Variants in ZDHHC11 observed in about 807,000 individuals in gnomAD.
ZDHHC11 encodes zDHHC palmitoyltransferase 11, also known as palmitoyltransferase ZDHHC11.
Under a neutral mutation model 51.3 loss-of-function variants are expected in ZDHHC11, and 44 were observed. That is an observed-to-expected ratio of 0.86 (90% CI 0.67 to 1.10). ZDHHC11 has a LOEUF of 1.10. Among genes scored for constraint, ZDHHC11 ranks in the 50% least tolerant of loss-of-function variants. The probability of loss-of-function intolerance (pLI) is 0.00; values close to 1 mark genes in which losing one functional copy is unlikely to be tolerated. For synonymous variants in ZDHHC11, 163 were observed against 222.0 expected (o/e 0.73, Z 2.36); for missense variants, 400 against 537.7 (o/e 0.74, Z 2.53).
intron 7 of ZDHHC11, among the ~76,000 whole-genome samples, chr5:829,757 C>T (rs1373808300): frequency 2.0e-5 from 3 of 151,430 alleles, no homozygotes; most frequent in African/African-American, 4.9e-5. Context: ...ACTAGCGAAC[C>T]GAATCAAACA....
chr5:844,887 A>C, intron 3 of ZDHHC11, among the ~76,000 whole-genome samples: 1 of 152,424 alleles, frequency 6.6e-6, no homozygotes, highest in Non-Finnish European at 1.5e-5. Flanking sequence ...TCTGGGCAGC[A>C]GTTCCTGGAA....
chr5:849,194 C>T (rs985279438), intron 1 of ZDHHC11, among the ~76,000 whole-genome samples: 5 of 152,186 alleles, frequency 3.3e-5, no homozygotes, highest in African/African-American at 4.8e-5. Context: ...CTGTGCCAGT[C>T]GGGGACCGGG....
intron 11 of ZDHHC11, among the ~76,000 whole-genome samples, chr5:805,886 G>A (rs1340528639): frequency 1.3e-5 from 2 of 151,208 alleles, no homozygotes; most frequent in Non-Finnish European, 3.0e-5. Flanking sequence ...CAAGGGTGAG[G>A]AGCGAGGATG....
At chr5:840,208 A>T in intron 5 of ZDHHC11, 1 of 695,000 alleles carries the variant, frequency 1.4e-6, no homozygotes, top group South Asian at 1.5e-5. Context: ...TAAACTTGTT[A>T]CTTCAAGCAC....
At chr5:815,848 C>A (rs776806573) in intron 10 of ZDHHC11, among the ~76,000 whole-genome samples, 2 of 151,546 alleles carry the variant, frequency 1.3e-5, no homozygotes, top group Non-Finnish European at 3.0e-5. Flanking sequence ...TCCAACCATC[C>A]TTCTGCCTCC....
rs906927983 is a variant in ZDHHC11 at position 850,261 on chromosome 5, T to C, written c.222+120A>G. ...ACCTGCAGGCTCAGGGGACATAGTC[T>C]GGCCCAGGGCAGGTGACTGGTGCCA... is the stretch of plus-strand genomic sequence containing the variant. On this transcript the variant is annotated intron_variant, in intron 1 of 12. Coordinates refer to ENST00000283441, the MANE Select transcript of ZDHHC11 (RefSeq NM_024786.3). 7.4e-5 allele frequency: 86 copies of C among 1,156,970 alleles called. No homozygotes were observed. In the African/African-American group the frequency reaches 1.2e-3, roughly 16 times the overall value. 71.7% of individuals were successfully genotyped at this position (1,156,970 alleles called of 1,614,324 possible).
At chr5:806,212 G>A (rs1478145279) in intron 11 of ZDHHC11, among the ~76,000 whole-genome samples, 1 of 151,172 alleles carries the variant, frequency 6.6e-6, no homozygotes, top group Non-Finnish European at 1.5e-5. Context: ...AAACTGATGA[G>A]TGGAATTGAC....
chr5:797,155 C>G (rs1198529105), intron 12 of ZDHHC11, among the ~76,000 whole-genome samples: 5 of 151,324 alleles, frequency 3.3e-5, no homozygotes, highest in Non-Finnish European at 7.4e-5. Context: ...TGCAGTGAGC[C>G]AAGATTGGGC....
chr5:809,408 C>A (rs1344592045), intron 11 of ZDHHC11, among the ~76,000 whole-genome samples: 1 of 144,036 alleles, frequency 6.9e-6, no homozygotes, highest in Non-Finnish European at 1.5e-5. Flanking sequence ...TTGGTGTCAG[C>A]TCCCAAATGT....
At chr5:855,541 G>A (rs1748083045), upstream of ZDHHC11, among the ~76,000 whole-genome samples, 2 of 147,378 alleles carry the variant, frequency 1.4e-5, no homozygotes, top group African/African-American at 5.1e-5. Flanking sequence ...CAGCGAGCCG[G>A]CAAGACAGAC....
At chr5:827,106 T>C (rs1167125826) in intron 7 of ZDHHC11, among the ~76,000 whole-genome samples, 2 of 148,460 alleles carry the variant, frequency 1.3e-5, no homozygotes, top group African/African-American at 4.9e-5. Context: ...TAACAGCCAA[T>C]AATTTTGTAT....
chr5:840,617 A>C lies in ZDHHC11; in HGVS notation c.662T>G (p.Leu221Arg), dbSNP rs150984362. Residue 221 changes from leucine (L) to arginine (R), a missense_variant, in exon 5 of 13, where the codon CTC (leucine) becomes CGC (arginine). Physicochemically the swap from Leu to Arg is moderately radical, Grantham distance 102. Coordinates refer to ENST00000283441, the MANE Select transcript of ZDHHC11 (RefSeq NM_024786.3). ...VKNMNTWLLF[L>R]PLFPVQVQTL... ...CTGCACCTGCACCGGGAACAGGGGG[A>C]GGAACAGCAGCCACGTGTTCATATT... 1.9e-6 allele frequency: 3 copies of C among 1,613,730 alleles called. No individual in the cohort carries two copies. Among genetic ancestry groups the C allele is most frequent in the Non-Finnish European group, 2.5e-6 (3 of 1,179,872 alleles).
chr5:846,214 C>T (rs543654808), intron 3 of ZDHHC11, among the ~76,000 whole-genome samples: 2 of 151,208 alleles, frequency 1.3e-5, no homozygotes, highest in Admixed American at 6.6e-5. Flanking sequence ...TCTCTGGACA[C>T]ATGCTGTGCT....
intron 1 of ZDHHC11, among the ~76,000 whole-genome samples, chr5:858,399 C>T (rs929263699): frequency 2.1e-5 from 3 of 140,892 alleles, no homozygotes; most frequent in Admixed American, 7.5e-5. Flanking sequence ...TCCAGGTCCC[C>T]GTCCTGTCTT....
intron 11 of ZDHHC11, among the ~76,000 whole-genome samples, chr5:812,388 A>G (rs1740206707): frequency 6.6e-6 from 1 of 152,044 alleles, no homozygotes; most frequent in South Asian, 2.1e-4. Flanking sequence ...TATCGACAAT[A>G]CAAACAACTC....
chr5:800,843 G>A (rs1738311157), intron 12 of ZDHHC11, among the ~76,000 whole-genome samples: 1 of 151,304 alleles, frequency 6.6e-6, no homozygotes, highest in Admixed American at 6.6e-5. Flanking sequence ...ATGGAAATGA[G>A]AGGTGTTCAA....
chr5:849,716 G>A (rs554047229), intron 1 of ZDHHC11: 47 of 152,644 alleles, frequency 3.1e-4, no homozygotes, highest in African/African-American at 1.1e-3. Flanking sequence ...GCACTGGGGA[G>A]AGGATCCTTG....
At chr5:820,141 G>A (rs752819053) in intron 9 of ZDHHC11, among the ~76,000 whole-genome samples, 1 of 151,274 alleles carries the variant, frequency 6.6e-6, no homozygotes, top group African/African-American at 2.4e-5. Context: ...TTGTAATTCC[G>A]GTTATAGTTA....
chr5:814,819 T>G lies in ZDHHC11; in HGVS notation c.1147-24A>C, dbSNP rs371778685. On this transcript the variant is annotated intron_variant, in intron 10 of 12. Transcript: ENST00000283441. ...TCCTGTGGGGGGAAGGGATGCAAAATTCATAGGATGAACAAAGACCTTGTT... is the reference window on the plus strand; with the variant it reads ...TCCTGTGGGGGGAAGGGATGCAAAAGTCATAGGATGAACAAAGACCTTGTT... The G allele has an allele frequency of 1.0e-4, 155 of 1,527,456 alleles. 7 individuals carry two copies. Among genetic ancestry groups the G allele is most frequent in the Non-Finnish European group, 1.3e-4 (145 of 1,137,690 alleles). 94.6% of individuals were successfully genotyped at this position (1,527,456 alleles called of 1,614,324 possible). A position where few individuals can be genotyped will look rare whatever the true frequency, so the allele number is the denominator to read the frequency against.
Sources: gnomAD v4.1 joint callset for allele counts (sites outside exome capture counted in the v4.1 genomes callset) on GRCh38, gnomAD v4.1.1 for gene constraint, MANE v1.5 for transcripts, NCBI Gene and HGNC (gene_info 2026-07-23, HGNC 2026-07-21) for gene names.